Variants in OPCML observed in about 807,000 individuals in gnomAD.
The protein encoded by OPCML is opioid-binding protein/cell adhesion molecule.
In OPCML, 13 loss-of-function variants were observed where a neutral mutation model predicts 37.8. The observed-to-expected ratio is 0.34, with a 90% CI of 0.22 to 0.55. The LOEUF (loss-of-function observed/expected upper bound fraction) is 0.55, where lower values mean the gene tolerates loss of function less well. OPCML is among the 20% of genes least tolerant of loss of function. The probability of loss-of-function intolerance (pLI) is 0.91; values close to 1 mark genes in which losing one functional copy is unlikely to be tolerated. For synonymous variants in OPCML, 176 were observed against 168.8 expected (o/e 1.04, Z -0.33); for missense variants, 341 against 435.6 (o/e 0.78, Z 1.93).
chr11:133,443,841 GC>G (rs1946414347), intron 1 of OPCML, among the ~76,000 whole-genome samples: 1 of 152,036 alleles, frequency 6.6e-6, no homozygotes, highest in Non-Finnish European at 1.5e-5. Flanking sequence ...GGATACCTTG[GC>G]TGACTCCTGT....
At chr11:133,513,656 C>T (rs1948204538) in intron 1 of OPCML, among the ~76,000 whole-genome samples, 1 of 152,166 alleles carries the variant, frequency 6.6e-6, no homozygotes, top group South Asian at 2.1e-4. Context: ...GAGTGAAGCA[C>T]TCAAGGAGAG....
chr11:133,148,233 G>A (rs1290428757), intron 1 of OPCML, among the ~76,000 whole-genome samples: 2 of 152,178 alleles, frequency 1.3e-5, no homozygotes, highest in African/African-American at 4.8e-5. Flanking sequence ...TCTCTCCTGT[G>A]GCCCAGGTAC....
intron 3 of OPCML, among the ~76,000 whole-genome samples, chr11:132,645,766 A>T (rs191315974): frequency 6.6e-6 from 1 of 152,262 alleles, no homozygotes; most frequent in Non-Finnish European, 1.5e-5. Flanking sequence ...ATTAATTAAA[A>T]TTAAATAAAA....
At chr11:133,317,665 T>G (rs1943237665) in intron 1 of OPCML, among the ~76,000 whole-genome samples, 1 of 152,216 alleles carries the variant, frequency 6.6e-6, no homozygotes, top group Non-Finnish European at 1.5e-5. Context: ...TGCTGTTGTA[T>G]CTCTGCCTAT....
chr11:132,531,853 T>G (rs982220926), intron 3 of OPCML, among the ~76,000 whole-genome samples: 1 of 151,786 alleles, frequency 6.6e-6, no homozygotes, highest in Non-Finnish European at 1.5e-5. Context: ...ACAACTCGAG[T>G]GCAACTTCCA....
intron 2 of OPCML, among the ~76,000 whole-genome samples, chr11:132,929,849 A>T (rs1165568568): frequency 6.6e-6 from 1 of 152,216 alleles, no homozygotes; most frequent in East Asian, 1.9e-4. Flanking sequence ...GACAAAATGT[A>T]ACACCCTTTA....
intron 3 of OPCML, among the ~76,000 whole-genome samples, chr11:132,598,450 C>G (rs73041762): frequency 6.6e-6 from 1 of 151,972 alleles, no homozygotes; most frequent in Non-Finnish European, 1.5e-5. Flanking sequence ...TAATTTCCAA[C>G]GCACGCCATT....
chr11:133,332,338 G>C (rs1410345496), intron 1 of OPCML, among the ~76,000 whole-genome samples: 1 of 152,108 alleles, frequency 6.6e-6, no homozygotes, highest in Non-Finnish European at 1.5e-5. Flanking sequence ...GCTGGCTATG[G>C]GGTTTTCTAG....
intron 1 of OPCML, among the ~76,000 whole-genome samples, chr11:133,181,527 A>C (rs930546858): frequency 3.9e-5 from 6 of 152,090 alleles, no homozygotes; most frequent in Admixed American, 3.9e-4. Flanking sequence ...CTTTTGTTCT[A>C]CAGGGCAAAT....
At chr11:132,540,147 G>C (rs1401237270) in intron 3 of OPCML, among the ~76,000 whole-genome samples, 1 of 152,172 alleles carries the variant, frequency 6.6e-6, no homozygotes, top group Non-Finnish European at 1.5e-5. Context: ...AGAGAGATGA[G>C]CTGAAAGAGA....
chr11:132,446,103 C>CTTT lies in OPCML; in HGVS notation c.506-8747_506-8745dup, dbSNP rs58784534. On this transcript the variant is annotated intron_variant, in intron 4 of 7. Transcript: ENST00000524381. ...GTGTTTAGCTTGGCTCTGCTTGTGT[C>CTTT]TTTTTTTTTTTTTTTTTTTTTTTTT... is the stretch of plus-strand genomic sequence containing the variant. Among the ~76,000 whole-genome samples, 302 of 48,510 alleles carry CTTT rather than the reference C, an allele frequency of 6.2e-3. 88 individuals carry two copies. The highest frequency in any genetic ancestry group is 0.022 in the African/African-American group (245 of 11,140). 31.8% of individuals were successfully genotyped at this position (48,510 alleles called of 152,430 possible). A position where few individuals can be genotyped will look rare whatever the true frequency, so the allele number is the denominator to read the frequency against.
chr11:133,376,740 A>G (rs533346082), intron 1 of OPCML, among the ~76,000 whole-genome samples: 193 of 152,346 alleles, frequency 1.3e-3, no homozygotes, highest in African/African-American at 4.3e-3. Context: ...TAATTTGGGA[A>G]TAGTTGGACA....
intron 1 of OPCML, among the ~76,000 whole-genome samples, chr11:133,070,459 G>T (rs770784516): frequency 2.0e-5 from 3 of 152,128 alleles, no homozygotes; most frequent in Non-Finnish European, 4.4e-5. Flanking sequence ...CTGGGAGAAA[G>T]TGAATGCTGA....
At chr11:133,360,404 G>T (rs1380590320) in intron 1 of OPCML, 2 of 152,226 alleles carry the variant, frequency 1.3e-5, no homozygotes, top group African/African-American at 4.8e-5. Flanking sequence ...AAGGGCCGAC[G>T]ATGCCCGCAG....
intron 1 of OPCML, chr11:133,009,292 A>G: frequency 1.1e-6 from 1 of 919,560 alleles, no homozygotes; most frequent in Non-Finnish European, 1.3e-6. Context: ...CATATTTGGA[A>G]GAGCTGGCTA....
At chr11:133,272,898 ATG>A (rs1397126416) in intron 1 of OPCML, among the ~76,000 whole-genome samples, 1 of 152,196 alleles carries the variant, frequency 6.6e-6, no homozygotes, top group Admixed American at 6.5e-5. Flanking sequence ...GGCAGAAGAA[ATG>A]TTATTGCTTT....
chr11:132,670,796 T>TTA (rs1482962969), intron 2 of OPCML, among the ~76,000 whole-genome samples: 2 of 152,220 alleles, frequency 1.3e-5, no homozygotes, highest in Non-Finnish European at 2.9e-5. Context: ...ATGTTTGCTA[T>TTA]TATATTTACA....
At chr11:133,365,865 A>C (rs1169478575) in intron 1 of OPCML, 1 of 152,216 alleles carries the variant, frequency 6.6e-6, no homozygotes, top group Non-Finnish European at 1.5e-5. Flanking sequence ...CTCTCTTGGA[A>C]TCCAACTTCC....
At chr11:132,446,101 G>GTTT (rs1429175760) in intron 4 of OPCML, among the ~76,000 whole-genome samples, 2 of 77,472 alleles carry the variant, frequency 2.6e-5, no homozygotes, top group African/African-American at 1.4e-4. Flanking sequence ...CTCTGCTTGT[G>GTTT]TCTTTTTTTT....
Sources: allele counts gnomAD v4.1 joint callset (sites outside exome capture counted in the v4.1 genomes callset), GRCh38; gene constraint gnomAD v4.1.1; transcripts MANE v1.5; gene names NCBI Gene and HGNC (gene_info 2026-07-23, HGNC 2026-07-21).